Variants in PDE10A observed in about 807,000 individuals in gnomAD.
The protein encoded by PDE10A is cAMP and cAMP-inhibited cGMP 3',5'-cyclic phosphodiesterase 10A.
In PDE10A, 39 loss-of-function variants were observed where a neutral mutation model predicts 97.7. That is an observed-to-expected ratio of 0.40 (90% CI 0.31 to 0.52). PDE10A has a LOEUF of 0.52. Ranked by LOEUF, PDE10A falls within the 20% of genes least tolerant of loss-of-function variation. PDE10A has a pLI of 0.56. For synonymous variants in PDE10A, 371 were observed against 376.8 expected (o/e 0.98, Z 0.18); for missense variants, 731 against 1,047.8 (o/e 0.70, Z 4.17).
At chr6:165,901,194 C>T (rs1232457737) in intron 1 of PDE10A, among the ~76,000 whole-genome samples, 1 of 152,184 alleles carries the variant, frequency 6.6e-6, no homozygotes, top group African/African-American at 2.4e-5. Context: ...GTGGCGTCTC[C>T]AGCTCCTGGC....
chr6:165,574,433 GT>G (rs1785203967), intron 1 of PDE10A, among the ~76,000 whole-genome samples: 1 of 152,168 alleles, frequency 6.6e-6, no homozygotes. Flanking sequence ...GTGGAGCTCA[GT>G]CACACCACTG....
At chr6:165,495,685 G>A (rs1780495140) in intron 2 of PDE10A, among the ~76,000 whole-genome samples, 1 of 152,016 alleles carries the variant, frequency 6.6e-6, no homozygotes, top group Admixed American at 6.6e-5. Flanking sequence ...AATCTGGTTT[G>A]ACTCTATTTA....
At chr6:165,471,794 T>C (rs558033134) in intron 3 of PDE10A, among the ~76,000 whole-genome samples, 23 of 152,168 alleles carry the variant, frequency 1.5e-4, no homozygotes, top group Non-Finnish European at 2.9e-4. Flanking sequence ...TCCAATTTCT[T>C]ATTAGACTTA....
chr6:165,943,203 GA>G (rs1562809574), intron 1 of PDE10A, among the ~76,000 whole-genome samples: 6 of 53,384 alleles, frequency 1.1e-4, no homozygotes, highest in African/African-American at 1.9e-4. Flanking sequence ...AAGAAAGAAA[GA>G]AAGAAAGAAA....
chr6:165,665,024 CT>C (rs1251921890), upstream of PDE10A, among the ~76,000 whole-genome samples: 1 of 152,194 alleles, frequency 6.6e-6, no homozygotes, highest in Non-Finnish European at 1.5e-5. Flanking sequence ...TTCATTAACC[CT>C]TTCCCAGAAT....
chr6:165,502,187 G>T (rs1016218674), intron 2 of PDE10A, among the ~76,000 whole-genome samples: 21 of 152,252 alleles, frequency 1.4e-4, no homozygotes, highest in African/African-American at 5.1e-4. Flanking sequence ...AAGAAAACAG[G>T]AGAATATATT....
At chr6:165,640,214 A>G (rs911118013) in intron 1 of PDE10A, among the ~76,000 whole-genome samples, 2 of 152,224 alleles carry the variant, frequency 1.3e-5, no homozygotes, top group Non-Finnish European at 2.9e-5. Context: ...TTCAAAACAT[A>G]AAGATTCTAA....
rs139362037 is a variant in PDE10A, at chr6:165,489,219, A to T, written c.995-6876T>A. On this transcript the variant is annotated intron_variant, in intron 2 of 21. Transcript: ENST00000539869. ...TTTCACTCCCTGCTACCTCCACTGG[A>T]GCAGGTGCTGGTATCCACAGCTGAA... 9.8e-3 allele frequency among the ~76,000 whole-genome samples: 1,493 copies of T among 152,276 alleles called. 30 individuals are homozygous for T. The highest frequency in any genetic ancestry group is 0.034 in the African/African-American group (1,396 of 41,542).
chr6:165,968,408 A>G (rs910946444), intron 1 of PDE10A, among the ~76,000 whole-genome samples: 1 of 152,222 alleles, frequency 6.6e-6, no homozygotes, highest in Non-Finnish European at 1.5e-5. Context: ...CAATGTCACC[A>G]TGAAGCCACC....
chr6:165,766,859 C>A (rs1157292984), intron 1 of PDE10A, among the ~76,000 whole-genome samples: 3 of 152,168 alleles, frequency 2.0e-5, no homozygotes, highest in Admixed American at 1.3e-4. Flanking sequence ...ACTTTGGAGG[C>A]AAGAAAATCC....
intron 1 of PDE10A, among the ~76,000 whole-genome samples, chr6:165,878,066 C>T (rs560134599): frequency 2.2e-4 from 34 of 152,240 alleles, no homozygotes. Flanking sequence ...GAAGATACCA[C>T]TTCATTTAAA....
At chr6:165,816,009 G>A (rs1042625713) in intron 1 of PDE10A, among the ~76,000 whole-genome samples, 2 of 151,834 alleles carry the variant, frequency 1.3e-5, no homozygotes, top group Non-Finnish European at 2.9e-5. Context: ...GAGTGCAGTG[G>A]CGTGATCTCA....
intron 13 of PDE10A, among the ~76,000 whole-genome samples, chr6:165,397,326 A>C (rs1365253906): frequency 2.0e-5 from 3 of 152,200 alleles, no homozygotes; most frequent in Non-Finnish European, 4.4e-5. Flanking sequence ...GACAAGCTAG[A>C]GTAGCTTTTG....
At chr6:165,423,178 C>T (rs1409609487) in intron 10 of PDE10A, among the ~76,000 whole-genome samples, 1 of 152,106 alleles carries the variant, frequency 6.6e-6, no homozygotes, top group African/African-American at 2.4e-5. Flanking sequence ...TTATTTGAGC[C>T]CCCATGTCCG....
At chr6:165,360,518 T>C (rs1783339140) in intron 18 of PDE10A, among the ~76,000 whole-genome samples, 1 of 152,184 alleles carries the variant, frequency 6.6e-6, no homozygotes, top group Admixed American at 6.5e-5. Context: ...TGCCTAGAGG[T>C]ACTCCCATAA....
chr6:165,657,930 T>C (rs1790047342), intron 1 of PDE10A, among the ~76,000 whole-genome samples: 1 of 152,230 alleles, frequency 6.6e-6, no homozygotes, highest in African/African-American at 2.4e-5. Context: ...GTCATTTTTG[T>C]AGGTGTCCAT....
intron 1 of PDE10A, among the ~76,000 whole-genome samples, chr6:165,760,527 C>G (rs1694922321): frequency 6.6e-6 from 1 of 152,110 alleles, no homozygotes; most frequent in Non-Finnish European, 1.5e-5. Flanking sequence ...TATCATAACA[C>G]CAGGTAAGAG....
chr6:165,932,219 C>T (rs373036787), intron 1 of PDE10A, among the ~76,000 whole-genome samples: 2 of 152,150 alleles, frequency 1.3e-5, no homozygotes, highest in East Asian at 1.9e-4. Flanking sequence ...GGAATGGCAC[C>T]GGCATCAAGT....
intron 13 of PDE10A, among the ~76,000 whole-genome samples, chr6:165,403,288 G>C (rs946824998): frequency 6.6e-6 from 1 of 152,132 alleles, no homozygotes; most frequent in African/African-American, 2.4e-5. Flanking sequence ...CTACTTTTCT[G>C]TTGTGGCAGT....
Sources: gnomAD v4.1 joint callset for allele counts (sites outside exome capture counted in the v4.1 genomes callset) on GRCh38, gnomAD v4.1.1 for gene constraint, MANE v1.5 for transcripts, NCBI Gene and HGNC (gene_info 2026-07-23, HGNC 2026-07-21) for gene names.